Variants in ERICH2 observed in about 807,000 individuals in gnomAD.
ERICH2 encodes glutamate rich 2.
A neutral mutation model predicts 17.4 loss-of-function variants in ERICH2; 17 were observed. The ratio of observed to expected loss-of-function variants is 0.98; its 90% CI spans 0.67 to 1.47. The LOEUF (loss-of-function observed/expected upper bound fraction) is 1.47, where lower values mean the gene tolerates loss of function less well. Ranked by LOEUF, ERICH2 falls within the 40% of genes most tolerant of loss-of-function variation. ERICH2 has a pLI of 0.00. For synonymous variants in ERICH2, 51 were observed against 61.1 expected (o/e 0.83, Z 0.77); for missense variants, 186 against 183.2 (o/e 1.01, Z -0.09).
At chr2:170,777,416 G>T in the ERICH2 span, 1 of 1,187,890 alleles carries the variant, frequency 8.4e-7, no homozygotes, top group Non-Finnish European at 1.0e-6. Context: ...GCTAATGTTT[G>T]ATCCAAACGG....
At chr2:170,777,466 A>G in the ERICH2 span, 8 of 1,198,220 alleles carry the variant, frequency 6.7e-6, no homozygotes, top group African/African-American at 1.3e-4. Context: ...TTTAGCCACT[A>G]TCTTGTCCTA....
At chr2:170,779,358 T>C (rs1296040488), upstream of ERICH2, among the ~76,000 whole-genome samples, 1 of 152,148 alleles carries the variant, frequency 6.6e-6, no homozygotes, top group African/African-American at 2.4e-5. Flanking sequence ...TTTTCTTTGC[T>C]CTAGTTTTTG....
the ERICH2 span, chr2:170,777,177 G>A: frequency 6.3e-6 from 1 of 158,282 alleles, no homozygotes; most frequent in Middle Eastern, 5.2e-4. Flanking sequence ...ATACTGTAAA[G>A]GTGAGAGTAT....
At chr2:170,782,742 T>A (rs1249378713), upstream of ERICH2, among the ~76,000 whole-genome samples, 1 of 152,162 alleles carries the variant, frequency 6.6e-6, no homozygotes, top group Non-Finnish European at 1.5e-5. Flanking sequence ...CCCTTGTCCT[T>A]ATAAAGTTTA....
At chr2:170,787,398 G>A (rs1019185069) in intron 2 of ERICH2, among the ~76,000 whole-genome samples, 6 of 152,198 alleles carry the variant, frequency 3.9e-5, no homozygotes, top group South Asian at 2.1e-4. Context: ...GGGAGCATCC[G>A]GGGCAGCCTT....
At chr2:170,777,335 CTAAAA>C in the ERICH2 span, 40 of 828,582 alleles carry the variant, frequency 4.8e-5, no homozygotes, top group African/African-American at 6.7e-4. Flanking sequence ...ATATCTCAAA[CTAAAA>C]TAATAATGCT....
At chr2:170,780,711 ATTTTTC>A (rs900707053), upstream of ERICH2, among the ~76,000 whole-genome samples, 16 of 152,088 alleles carry the variant, frequency 1.1e-4, no homozygotes, top group Non-Finnish European at 1.9e-4. Context: ...TTGGCAATAT[ATTTTTC>A]TTTTTTAGTG....
chr2:170,789,228 G>A (rs555512332), intron 2 of ERICH2, among the ~76,000 whole-genome samples: 1 of 151,766 alleles, frequency 6.6e-6, no homozygotes, highest in African/African-American at 2.4e-5. Flanking sequence ...GCCTCCCAAA[G>A]TGTTGGGATT....
At chr2:170,774,564 CTTT>C in the ERICH2 span, among the ~76,000 whole-genome samples, 44 of 98,542 alleles carry the variant, frequency 4.5e-4, no homozygotes, top group Middle Eastern at 9.1e-3. Context: ...AGAGCCCCAT[CTTT>C]TTTTTTTTTT....
chr2:170,787,927 C>T (rs767202822), intron 2 of ERICH2, among the ~76,000 whole-genome samples: 2 of 152,160 alleles, frequency 1.3e-5, no homozygotes, highest in Non-Finnish European at 2.9e-5. Context: ...ATATTTATGT[C>T]TAATTTTATG....
At chr2:170,794,830 C>A (rs906478531) in intron 3 of ERICH2, among the ~76,000 whole-genome samples, 2 of 152,228 alleles carry the variant, frequency 1.3e-5, no homozygotes, top group East Asian at 1.9e-4. Flanking sequence ...GGATAGAGTA[C>A]TTCTAGATCA....
chr2:170,791,229 C>T (rs998435401), intron 2 of ERICH2, among the ~76,000 whole-genome samples: 7 of 152,014 alleles, frequency 4.6e-5, no homozygotes, highest in Non-Finnish European at 1.0e-4. Context: ...CCATGTTTAA[C>T]CTAGACAAGA....
intron 3 of ERICH2, among the ~76,000 whole-genome samples, chr2:170,794,111 T>TTC (rs1701359696): frequency 1.5e-5 from 2 of 131,176 alleles, no homozygotes; most frequent in Admixed American, 7.5e-5. Context: ...CTTTCTTTTT[T>TTC]TTTTTTTTTT....
the ERICH2 span, chr2:170,778,073 T>G: frequency 1.2e-5 from 2 of 161,808 alleles, no homozygotes; most frequent in Non-Finnish European, 2.7e-5. Flanking sequence ...GAATTGTTAC[T>G]ACTCAATAAA....
chr2:170,783,858 C>T lies in ERICH2; in HGVS notation c.20C>T (p.Pro7Leu), dbSNP rs1266617807. The T allele has an allele frequency of 7.3e-5, 113 of 1,550,506 alleles. No homozygotes were observed. The East Asian group carries it at 2.7e-3, about 37-fold the overall frequency. ...GAGCTGATGGAGACTGTAAATGAAC[C>T]AGAAACAGGTAGACAGATGGCCTGA... Residue 7 changes from proline to leucine, a missense_variant, in exon 1 of 5, where the codon CCA becomes CTA. Physicochemically the swap from Pro to Leu is moderately conservative, Grantham distance 98 (BLOSUM62 -3). Transcript: ENST00000409885.
chr2:170,777,716 C>T, the ERICH2 span: 1 of 1,217,426 alleles, frequency 8.2e-7, no homozygotes. Flanking sequence ...GCTGATCTCT[C>T]CCATGCCTTT....
the ERICH2 span, among the ~76,000 whole-genome samples, chr2:170,774,564 CTTTT>C: frequency 0.34 from 33,334 of 98,376 alleles, 4,713 homozygotes; most frequent in South Asian, 0.45. Context: ...AGAGCCCCAT[CTTTT>C]TTTTTTTTTT....
chr2:170,786,537 T>G (rs550269975), intron 2 of ERICH2, among the ~76,000 whole-genome samples: 1 of 152,282 alleles, frequency 6.6e-6, no homozygotes, highest in Admixed American at 6.5e-5. Flanking sequence ...GAGTTTATAG[T>G]CTTCATCAAG....
the ERICH2 span, chr2:170,775,557 T>C: frequency 3.3e-5 from 5 of 152,204 alleles, no homozygotes; most frequent in Non-Finnish European, 7.3e-5. Flanking sequence ...GTTAGATTTC[T>C]TTTGTTAAGG....
Sources: allele counts gnomAD v4.1 joint callset (sites outside exome capture counted in the v4.1 genomes callset), GRCh38; gene constraint gnomAD v4.1.1; transcripts MANE v1.5; gene names NCBI Gene and HGNC (gene_info 2026-07-23, HGNC 2026-07-21).